Variants in CRYBB1 observed in about 807,000 individuals in gnomAD.
The protein encoded by CRYBB1 is crystallin beta B1, also known as beta-crystallin B1.
A neutral mutation model predicts 29.5 loss-of-function variants in CRYBB1; 16 were observed. That is an observed-to-expected ratio of 0.54 (90% confidence interval 0.37 to 0.82). The LOEUF (loss-of-function observed/expected upper bound fraction) is 0.82. CRYBB1 is among the 40% of genes least tolerant of loss of function. The probability of loss-of-function intolerance (pLI) is 0.00; values close to 1 mark genes in which losing one functional copy is unlikely to be tolerated. For synonymous variants in CRYBB1, 127 were observed against 136.7 expected, an observed-to-expected ratio of 0.93 and a Z score of 0.49; for missense variants, 300 against 350.5, an observed-to-expected ratio of 0.86 and a Z score of 1.15.
At chr22:26,615,323 C>A (rs1228944034) in intron 2 of CRYBB1, among the ~76,000 whole-genome samples, 2 of 152,140 alleles carry the variant, frequency 1.3e-5, no homozygotes, top group African/African-American at 4.8e-5. Context: ...AGTGAGCCTC[C>A]AAGGACAGCT....
At chr22:26,608,100 C>T in intron 3 of CRYBB1, 79 bp from the exon 4 acceptor site, 1 of 1,608,794 alleles carries the variant, frequency 6.2e-7, no homozygotes, top group African/African-American at 1.3e-5. Context: ...GCCTTTCTCT[C>T]TCCCCTGGCA....
intron 2 of CRYBB1, among the ~76,000 whole-genome samples, chr22:26,615,813 C>T (rs971826197): frequency 3.3e-5 from 5 of 152,148 alleles, no homozygotes; most frequent in Non-Finnish European, 1.5e-5. Flanking sequence ...TGCGCCCGGC[C>T]CCACTTTCTC....
chr22:26,602,428 A>T (rs77533114), intron 4 of CRYBB1, among the ~76,000 whole-genome samples: 4 of 151,792 alleles, frequency 2.6e-5, no homozygotes, highest in African/African-American at 7.3e-5. Context: ...TCAAAAAAAT[A>T]ATTTTTTTTT....
In CRYBB1 at chr22:26,616,278, C is replaced by T. The variant is rs754877068; in HGVS notation, c.42G>A (p.Ala14=). ...AAKASASATV[A]VNPGPDTKGK... ...CCTTGGTGTCAGGCCCTGGGTTCAC[C>T]GCCACTGTGGCCGAGGCCGAGGCCT... The change falls in exon 2 of 6, where the codon GCG becomes GCA. Residue 14 remains alanine, a synonymous_variant. Coordinates refer to ENST00000647684, the MANE Select transcript of CRYBB1 (RefSeq NM_001887.4). 5.0e-6 allele frequency: 8 copies of T among 1,614,008 alleles called. No individual in the cohort carries two copies. The highest frequency in any genetic ancestry group is 1.7e-5 in the Admixed American group (1 of 60,014).
chr22:26,612,018 G>T, intron 3 of CRYBB1, 54 bp downstream of exon 3: 3 of 1,300,304 alleles, frequency 2.3e-6, no homozygotes, highest in Non-Finnish European at 2.2e-6. Context: ...AGCTACTGTT[G>T]TGTGGTCATT....
Position 26,612,140 on chromosome 22 carries a change from C to T in CRYBB1, c.231G>A (p.Ser77=), listed in dbSNP as rs770478101. The T allele has an allele frequency of 9.9e-6, 16 of 1,613,868 alleles. No individual in the cohort carries two copies. Among genetic ancestry groups the T allele is most frequent in the Middle Eastern group, 1.6e-4 (1 of 6,084 alleles). The change falls in exon 3 of 6, where the codon TCG becomes TCA. Residue 77 remains serine, a synonymous_variant. Coordinates refer to ENST00000647684, the MANE Select transcript of CRYBB1 (RefSeq NM_001887.4). ...GGTCTGCCAGATTTGAGCACTCCCC[C>T]GAGAATTCTGCTCGACGGCCCTGGA... ...ENFQGRRAEF[S]GECSNLADRG... is the part of the protein sequence containing the mutation.
intron 4 of CRYBB1, among the ~76,000 whole-genome samples, chr22:26,605,671 CA>C (rs771110435): frequency 0.016 from 889 of 54,188 alleles, 4 homozygotes; most frequent in African/African-American, 0.055. Context: ...AGATGTGTCT[CA>C]AAAAAAAAAA....
rs555995592 is a variant in CRYBB1, at chr22:26,614,308, C to T, written c.180+1832G>A. On this transcript the variant is annotated intron_variant, in intron 2 of 5. Transcript: ENST00000647684. ...TTGCTGGTTTTTGCAGCTTGTGGGG[C>T]ATCACGGAACCTACTGACATGTGAT... is the stretch of plus-strand genomic sequence containing the variant. Among the ~76,000 whole-genome samples the T allele has an allele frequency of 3.9e-5, 6 of 152,300 alleles. No homozygotes were observed. In the East Asian group the frequency reaches 7.7e-4, roughly 20 times the overall value.
At position 26,599,643 on chromosome 22, in the gene CRYBB1, G is replaced by A. The variant is rs769288122; in HGVS notation, c.606C>T (p.Arg202=). ...TWVGYQYPGY[R]GYQYLLEPGD... The stretch of plus-strand genomic sequence containing the variant: ...CAGGCTCTAGGAGGTACTGGTACCC[G>A]CGGTAGCCAGGATACTGATAGCCAA... Residue 202 remains arginine (R), a synonymous_variant, in exon 6 of 6, where the codon CGC becomes CGT. Coordinates refer to ENST00000647684, the MANE Select transcript of CRYBB1 (RefSeq NM_001887.4). 7.4e-6 allele frequency: 12 copies of A among 1,614,024 alleles called. No individual in the cohort carries two copies. Among genetic ancestry groups the A allele is most frequent in the East Asian group, 2.2e-5 (1 of 44,902 alleles).
intron 5 of CRYBB1, among the ~76,000 whole-genome samples, chr22:26,600,967 A>T (rs1335188492): frequency 1.3e-5 from 2 of 152,230 alleles, no homozygotes; most frequent in Non-Finnish European, 2.9e-5. Context: ...AGGCCAAGTA[A>T]GTTCCTTGAA....
In CRYBB1 at chr22:26,608,335, G is replaced by A. The variant is rs549761904; in HGVS notation, c.300-314C>T. On this transcript the variant is annotated intron_variant, in intron 3 of 5. Transcript: ENST00000647684. ...GAGCACACTGTTTCTCTAGATGTAA[G>A]GTTCATACATGCTTCAAGTACTATC... 3.9e-5 allele frequency among the ~76,000 whole-genome samples: 6 copies of A among 152,318 alleles called. No homozygotes were observed. In the East Asian group the frequency reaches 5.8e-4, roughly 15 times the overall value.
In CRYBB1 at chr22:26,602,307, G is replaced by T. The variant is rs143298766; in HGVS notation, c.433-286C>A. Among the ~76,000 whole-genome samples, 741 of 152,236 alleles carry T rather than the reference G, an allele frequency of 4.9e-3. 3 individuals carry two copies. The highest frequency in any genetic ancestry group is 0.017 in the African/African-American group (715 of 41,548). ...GCTCAATAAATGCATTTATTGGCCG[G>T]GTGCCATGGCTCATGTCTGTAATTC... On this transcript the variant is annotated intron_variant, in intron 4 of 5. Coordinates refer to ENST00000647684, the MANE Select transcript of CRYBB1 (RefSeq NM_001887.4).
In CRYBB1 at chr22:26,599,314, A is replaced by G. The variant is rs956675275; in HGVS notation, c.*176T>C. The G allele has an allele frequency of 3.2e-6, 2 of 618,628 alleles. No homozygotes were observed. Among genetic ancestry groups the G allele is most frequent in the Non-Finnish European group, 5.7e-6 (2 of 348,728 alleles). The allele number at this position is 618,628 out of a possible 1,614,324, so 38.3% of individuals were successfully genotyped here. ...GTTTGCTGCTTTTATTATCGTTGTAATTATTAAGAGCGAGGAAGTCACATC... is the reference window on the plus strand; with the variant it reads ...GTTTGCTGCTTTTATTATCGTTGTAGTTATTAAGAGCGAGGAAGTCACATC... On this transcript the variant is annotated 3_prime_UTR_variant, in exon 6 of 6. Coordinates refer to ENST00000647684, the MANE Select transcript of CRYBB1 (RefSeq NM_001887.4).
rs374446836 is a variant in CRYBB1, at chr22:26,602,664, T to C, written c.433-643A>G. Among the ~76,000 whole-genome samples the C allele has an allele frequency of 3.3e-5, 5 of 152,296 alleles. No individual in the cohort carries two copies. In the East Asian group the frequency reaches 7.7e-4, roughly 24 times the overall value. On this transcript the variant is annotated intron_variant, in intron 4 of 5. Transcript: ENST00000647684. ...AAAGGCTCAGAGAGGTCAAGCTTAT[T>C]GATCAACATCACACAGCCAGGGAGG...
chr22:26,610,149 G>A (rs2145966672), intron 3 of CRYBB1, among the ~76,000 whole-genome samples: 1 of 152,216 alleles, frequency 6.6e-6, no homozygotes, highest in East Asian at 1.9e-4. Flanking sequence ...ATCTCCCATG[G>A]CTCATTTCAA....
chr22:26,604,737 G>A (rs1928922550), intron 4 of CRYBB1, among the ~76,000 whole-genome samples: 2 of 152,240 alleles, frequency 1.3e-5, no homozygotes, highest in African/African-American at 4.8e-5. Context: ...AGGGATGTAA[G>A]CACAGGGGAC....
At chr22:26,603,199 C>T (rs929653210) in intron 4 of CRYBB1, among the ~76,000 whole-genome samples, 1 of 150,902 alleles carries the variant, frequency 6.6e-6, no homozygotes, top group South Asian at 2.1e-4. Context: ...GGACATTTTA[C>T]TCTGCCTCCT....
intron 3 of CRYBB1, among the ~76,000 whole-genome samples, chr22:26,611,064 C>T (rs1569206451): frequency 1.3e-5 from 2 of 152,126 alleles, no homozygotes; most frequent in Non-Finnish European, 2.9e-5. Context: ...GATGACTATC[C>T]CTGTTTTATA....
chr22:26,608,034 A>G lies in CRYBB1; in HGVS notation c.300-13T>C. The G allele has an allele frequency of 6.2e-7, 1 of 1,614,132 alleles. No individual in the cohort carries two copies. Among genetic ancestry groups the G allele is most frequent in the Non-Finnish European group, 8.5e-7 (1 of 1,180,038 alleles). On this transcript the variant is annotated splice_polypyrimidine_tract_variant and intron_variant, in intron 3 of 5. Coordinates refer to ENST00000647684, the MANE Select transcript of CRYBB1 (RefSeq NM_001887.4). ...AAAGGCGACCCAGCTGGATACAAGA[A>G]GGACCATGAGGCAGACAGGAGACAT...
Sources: gnomAD v4.1 joint callset for allele counts (sites outside exome capture counted in the v4.1 genomes callset) on GRCh38, gnomAD v4.1.1 for gene constraint, MANE v1.5 for transcripts, NCBI Gene and HGNC (gene_info 2026-07-23, HGNC 2026-07-21) for gene names.